The following CFAP92 variants were observed in gnomAD, a reference collection of about 807,000 sequenced individuals.
The protein encoded by CFAP92 is cilia and flagella associated protein 92 (putative), also known as uncharacterized protein CFAP92.
Under a neutral mutation model 106.3 loss-of-function variants are expected in CFAP92, and 86 were observed. That is an observed-to-expected ratio of 0.81 (90% confidence interval 0.68 to 0.97). The LOEUF is 0.97. CFAP92 is among the 50% of genes least tolerant of loss of function. The probability of loss-of-function intolerance (pLI) is 0.00; values close to 1 mark genes in which losing one functional copy is unlikely to be tolerated. For synonymous variants in CFAP92, 477 were observed against 506.4 expected, an observed-to-expected ratio of 0.94 and a Z score of 0.78; for missense variants, 1,204 against 1,283.8, an observed-to-expected ratio of 0.94 and a Z score of 0.95.
rs77053107 is a variant in CFAP92, at chr3:128,947,231, A to G, written c.1354-1256T>C. ...TCCTGAAAACTTCAAAGCACTGATGAAAAAAAAAAAAGATGTAAATAAATG... is the reference window on the plus strand; with the variant it reads ...TCCTGAAAACTTCAAAGCACTGATGGAAAAAAAAAAAGATGTAAATAAATG... On this transcript the variant is annotated intron_variant, in intron 9 of 15. Coordinates refer to ENST00000645291, the MANE Select transcript of CFAP92 (RefSeq NM_001394090.1). Among the ~76,000 whole-genome samples the G allele has an allele frequency of 9.4e-5, 13 of 137,886 alleles. No individual in the cohort carries two copies. The East Asian group carries it at 2.6e-3, about 28-fold the overall frequency. 90.5% of individuals were successfully genotyped at this position (137,886 alleles called of 152,430 possible).
intron 9 of CFAP92, among the ~76,000 whole-genome samples, chr3:128,959,459 A>C (rs1009297944): frequency 3.3e-5 from 5 of 152,164 alleles, no homozygotes; most frequent in African/African-American, 1.2e-4. Flanking sequence ...GATCTCAAAA[A>C]TAAATCTCCC....
rs967589582 is a variant in CFAP92 at position 128,935,165 on chromosome 3, G to A, written c.2413C>T (p.Arg805Ter). Reference protein sequence around the residue: ...LLLQQAVFFLRDTERRRVFQA... With the variant: ...LLLQQAVFFL ...AAGACCCGCCTCCGCTCAGTGTCTC[G>A]CAGGAAGAACACCGCCTGCTGCAGC... Residue 805 changes from arginine (R) to a stop codon, truncating the protein, a stop_gained, in exon 11 of 16, where the codon CGA becomes TGA. Coordinates refer to ENST00000645291, the MANE Select transcript of CFAP92 (RefSeq NM_001394090.1). LOFTEE classifies it high-confidence loss of function. 5.3e-5 allele frequency: 82 copies of A among 1,535,252 alleles called. No homozygotes were observed. Among genetic ancestry groups the A allele is most frequent in the Non-Finnish European group, 6.8e-5 (78 of 1,146,422 alleles).
At chr3:129,009,418 C>G in the CFAP92 span, among the ~76,000 whole-genome samples, 1 of 152,192 alleles carries the variant, frequency 6.6e-6, no homozygotes, top group Non-Finnish European at 1.5e-5. Context: ...AGGCTAATAT[C>G]CCCAAAGCTC....
chr3:128,985,082 T>C (rs1029870605), intron 4 of CFAP92, among the ~76,000 whole-genome samples: 1 of 152,208 alleles, frequency 6.6e-6, no homozygotes, highest in Non-Finnish European at 1.5e-5. Flanking sequence ...ACTGCTTTTT[T>C]AATGGGGAAA....
At chr3:128,927,097 GA>G (rs1050997071) in intron 12 of CFAP92, among the ~76,000 whole-genome samples, 1 of 150,802 alleles carries the variant, frequency 6.6e-6, no homozygotes, top group African/African-American at 2.4e-5. Context: ...TGTCTCAAAA[GA>G]AAAAAAAGAG....
At chr3:129,023,734 GTAAA>G in the CFAP92 span, among the ~76,000 whole-genome samples, 1 of 152,176 alleles carries the variant, frequency 6.6e-6, no homozygotes, top group Non-Finnish European at 1.5e-5. Context: ...ATATGTATTA[GTAAA>G]TAAAAGGACA....
In CFAP92 at chr3:128,910,344, A is replaced by G. The variant is rs1936134609; in HGVS notation, c.3281-11T>C. The G allele has an allele frequency of 2.1e-5, 31 of 1,470,942 alleles. No individual in the cohort carries two copies. The highest frequency in any genetic ancestry group is 2.7e-5 in the South Asian group (2 of 73,040). 91.1% of individuals were successfully genotyped at this position (1,470,942 alleles called of 1,614,324 possible). On this transcript the variant is annotated splice_polypyrimidine_tract_variant and intron_variant, in intron 15 of 15. Coordinates refer to ENST00000645291, the MANE Select transcript of CFAP92 (RefSeq NM_001394090.1). ...CTTTCTTCTTCCTGACTGAGAGAAGAGGGGGTGAGTGACAGGGGTTCCTGA... is the reference window on the plus strand; with the variant it reads ...CTTTCTTCTTCCTGACTGAGAGAAGGGGGGGTGAGTGACAGGGGTTCCTGA...
chr3:128,941,913 C>G (rs961553396), intron 10 of CFAP92, among the ~76,000 whole-genome samples: 1 of 152,210 alleles, frequency 6.6e-6, no homozygotes, highest in African/African-American at 2.4e-5. Context: ...GAACTTTTTT[C>G]TGGTTAATGA....
chr3:128,925,221 C>A (rs1489267077), intron 12 of CFAP92, among the ~76,000 whole-genome samples: 1 of 152,190 alleles, frequency 6.6e-6, no homozygotes, highest in South Asian at 2.1e-4. Flanking sequence ...TGAAACTGTT[C>A]CACCTCAGCT....
In CFAP92 at chr3:128,987,624, T is replaced by C. The variant is rs199793639; in HGVS notation, c.659A>G (p.His220Arg). The C allele has an allele frequency of 1.5e-5, 24 of 1,613,806 alleles. No individual in the cohort carries two copies. The highest frequency in any genetic ancestry group is 7.6e-6 in the Non-Finnish European group (9 of 1,179,838). ...AGFTDDVGAF[H>R]KSEVRHLVLN... is the part of the protein sequence containing the mutation. ...AAATAAAACCAGAGCACCTGACTTA[T>C]GAAAAGCTCCCACGTCGTCTGTGAA... Residue 220 changes from histidine to arginine, a missense_variant, in exon 4 of 16, where the codon CAT becomes CGT. Coordinates refer to ENST00000645291, the MANE Select transcript of CFAP92 (RefSeq NM_001394090.1).
intron 7 of CFAP92, among the ~76,000 whole-genome samples, chr3:128,974,559 G>A (rs181379185): frequency 1.3e-4 from 20 of 152,272 alleles, no homozygotes; most frequent in African/African-American, 3.9e-4. Flanking sequence ...AGTGGCTCAC[G>A]CTTGTAATCC....
chr3:129,006,502 G>T (rs766023188), upstream of CFAP92, among the ~76,000 whole-genome samples: 3 of 152,196 alleles, frequency 2.0e-5, no homozygotes, highest in Non-Finnish European at 4.4e-5. Flanking sequence ...TTTTAGTAGA[G>T]ATGGGGTTTC....
At chr3:128,979,557 CAAT>C (rs1943381275) in intron 4 of CFAP92, among the ~76,000 whole-genome samples, 1 of 152,084 alleles carries the variant, frequency 6.6e-6, no homozygotes, top group Non-Finnish European at 1.5e-5. Flanking sequence ...AAATGTCCAA[CAAT>C]GATAGGCTGG....
rs763285490 is a variant in CFAP92 at position 128,945,351 on chromosome 3, G to A, written c.1978C>T (p.Arg660Cys). Residue 660 changes from arginine (R) to cysteine (C), a missense_variant, in exon 10 of 16, where the codon CGC becomes TGC. By Grantham distance (180) the Arg-to-Cys change is radical (BLOSUM62 -3). Transcript: ENST00000645291. ...TTAAAGTCAAAGACGAAGATGATGC[G>A]GCCAAACTGGGAGCCCCCAAGGTCA... is the stretch of plus-strand genomic sequence containing the variant. ...DPDLGGSQFG[R>C]IIFVFDFKKV... is the part of the protein sequence containing the mutation. 2.5e-5 allele frequency: 39 copies of A among 1,536,022 alleles called. 1 individual carries two copies. The highest frequency in any genetic ancestry group is 7.8e-5 in the Admixed American group (4 of 50,986).
chr3:128,953,701 A>G (rs1263023335), intron 9 of CFAP92, among the ~76,000 whole-genome samples: 1 of 128,442 alleles, frequency 7.8e-6, no homozygotes, highest in Admixed American at 7.5e-5. Flanking sequence ...ATCTCGGCTC[A>G]CTGCAACCTC....
At chr3:129,008,142 C>T in the CFAP92 span, among the ~76,000 whole-genome samples, 8 of 152,242 alleles carry the variant, frequency 5.3e-5, no homozygotes, top group Non-Finnish European at 8.8e-5. Context: ...TGATACTTAG[C>T]GTGGAGTTTC....
the CFAP92 span, among the ~76,000 whole-genome samples, chr3:129,010,604 C>T: frequency 6.6e-6 from 1 of 152,156 alleles, no homozygotes; most frequent in African/African-American, 2.4e-5. This position sits in a 1 kb window ranked among gnomAD's most constrained non-coding sequence, Gnocchi z 4.3. Context: ...CTCCTTTCTT[C>T]TGCCCCATTG....
At chr3:128,977,951 G>C (rs987980181) in intron 5 of CFAP92, 94 bp downstream of exon 5, 3 of 1,504,136 alleles carry the variant, frequency 2.0e-6, no homozygotes, top group Non-Finnish European at 2.7e-6. Flanking sequence ...CAGGAGGGAC[G>C]CCCATGCAGA....
intron 7 of CFAP92, among the ~76,000 whole-genome samples, 171 bp downstream of exon 7, chr3:128,975,604 GGATA>G (rs1357058866): frequency 1.3e-5 from 2 of 152,136 alleles, no homozygotes; most frequent in Admixed American, 1.3e-4. Flanking sequence ...GTGGATGGAT[GGATA>G]GACGGTAAGG....
Sources: allele counts gnomAD v4.1 joint callset (sites outside exome capture counted in the v4.1 genomes callset), GRCh38; gene constraint gnomAD v4.1.1; non-coding constraint Gnocchi (gnomAD v3.1); transcripts MANE v1.5; gene names NCBI Gene and HGNC (gene_info 2026-07-23, HGNC 2026-07-21).